MYT1L: variants seen among roughly 807,000 people sequenced by gnomAD.
MYT1L encodes myelin transcription factor 1 like, also known as myelin transcription factor 1-like protein.
Under a neutral mutation model 126.7 loss-of-function variants are expected in MYT1L, and 12 were observed. The ratio of observed to expected loss-of-function variants is 0.09; its 90% CI spans 0.06 to 0.15. The LOEUF is 0.15. MYT1L is among the 10% of genes least tolerant of loss of function. The pLI, the probability that MYT1L is intolerant of heterozygous loss-of-function variation, is 1.00. For synonymous variants in MYT1L, 541 were observed against 604.2 expected, an observed-to-expected ratio of 0.90 and a Z score of 1.53; for missense variants, 979 against 1,585.2, an observed-to-expected ratio of 0.62 and a Z score of 6.49.
intron 1 of MYT1L, among the ~76,000 whole-genome samples, chr2:2,306,729 G>C (rs1355392799): frequency 6.6e-6 from 1 of 152,132 alleles, no homozygotes; most frequent in East Asian, 1.9e-4. Context: ...GCACTAAAGA[G>C]AGTTCCACAT....
At chr2:2,126,368 A>G (rs377412312) in intron 3 of MYT1L, among the ~76,000 whole-genome samples, 2 of 152,230 alleles carry the variant, frequency 1.3e-5, no homozygotes, top group Non-Finnish European at 2.9e-5. Context: ...GAATGCTTCT[A>G]TAATTTAAAA....
At chr2:2,154,428 C>A (rs889170802) in intron 3 of MYT1L, among the ~76,000 whole-genome samples, 61 of 152,164 alleles carry the variant, frequency 4.0e-4, no homozygotes, top group African/African-American at 1.4e-3. Flanking sequence ...TGGAATCAAC[C>A]TAAATGCCTA....
chr2:2,310,702 CTT>C (rs1010359404), intron 1 of MYT1L, among the ~76,000 whole-genome samples: 2 of 152,152 alleles, frequency 1.3e-5, no homozygotes, highest in African/African-American at 4.8e-5. Context: ...TAACACCTAA[CTT>C]ATATTTACCA....
At chr2:2,229,784 C>A (rs181842522) in intron 2 of MYT1L, among the ~76,000 whole-genome samples, 1 of 152,052 alleles carries the variant, frequency 6.6e-6, no homozygotes, top group African/African-American at 2.4e-5. Flanking sequence ...CATAGCTGCT[C>A]CCATGGTGTG....
At chr2:1,847,178 A>T (rs1376539990) in intron 19 of MYT1L, among the ~76,000 whole-genome samples, 2 of 152,224 alleles carry the variant, frequency 1.3e-5, no homozygotes, top group Non-Finnish European at 2.9e-5. Flanking sequence ...GCAGCTGAGC[A>T]TCTCTGTGCC....
At chr2:2,122,872 T>TGTGTGAGAGAGA (rs553951630) in intron 3 of MYT1L, among the ~76,000 whole-genome samples, 9 of 133,078 alleles carry the variant, frequency 6.8e-5, no homozygotes, top group African/African-American at 1.5e-4. Context: ...TGTGTGTGTG[T>TGTGTGAGAGAGA]GAGAGAGAGA....
At chr2:1,919,149 A>G in intron 10 of MYT1L, among the ~76,000 whole-genome samples, 1 of 152,326 alleles carries the variant, frequency 6.6e-6, no homozygotes, top group East Asian at 1.9e-4. Context: ...CTTCACAGAT[A>G]TCGAAAGTGT....
chr2:1,996,902 G>C (rs886680356), intron 5 of MYT1L, among the ~76,000 whole-genome samples: 1 of 141,616 alleles, frequency 7.1e-6, no homozygotes, highest in Non-Finnish European at 1.5e-5. Context: ...ATGGAACCGA[G>C]TGTAGACGGG....
intron 19 of MYT1L, among the ~76,000 whole-genome samples, chr2:1,847,592 G>A (rs1056697868): frequency 2.0e-5 from 3 of 152,140 alleles, no homozygotes; most frequent in African/African-American, 7.2e-5. Flanking sequence ...GGAGACTACA[G>A]GTGAAGAAGT....
intron 2 of MYT1L, among the ~76,000 whole-genome samples, chr2:2,192,574 A>T (rs1340851276): frequency 1.3e-5 from 2 of 152,078 alleles, no homozygotes; most frequent in African/African-American, 4.8e-5. Context: ...ATCGTCACAT[A>T]CTTAATTGTC....
At chr2:1,869,257 A>G (rs1451870272) in intron 18 of MYT1L, among the ~76,000 whole-genome samples, 1 of 152,224 alleles carries the variant, frequency 6.6e-6, no homozygotes, top group African/African-American at 2.4e-5. Context: ...GACAAAGCAC[A>G]CAGTCCTGGA....
chr2:2,302,852 G>A lies in MYT1L; in HGVS notation c.-520-18349C>T, dbSNP rs529503912. Among the ~76,000 whole-genome samples, 201 of 152,252 alleles carry A rather than the reference G, an allele frequency of 1.3e-3. 1 individual carries two copies. The highest frequency in any genetic ancestry group is 2.5e-3 in the Non-Finnish European group (170 of 68,012). ...GGCCAGTTGACTGTGGTAAGGAGTA[G>A]TATTTTTGTTATAATGAAGAAGCCA... On this transcript the variant is annotated intron_variant, in intron 1 of 24. Transcript: ENST00000647738.
At chr2:1,989,416 G>A (rs2061307241) in intron 5 of MYT1L, among the ~76,000 whole-genome samples, 1 of 152,164 alleles carries the variant, frequency 6.6e-6, no homozygotes, top group African/African-American at 2.4e-5. Context: ...TCCCAGGACA[G>A]AAGCGAGAGT....
chr2:2,172,762 C>T (rs547502827), intron 3 of MYT1L, 110 bp downstream of exon 3: 2 of 150,946 alleles, frequency 1.3e-5, no homozygotes, highest in Admixed American at 6.6e-5. Context: ...TGTGCTCTGT[C>T]GCCAGGAGCC....
chr2:1,851,519 C>G (rs1189817240), intron 19 of MYT1L, 122 bp downstream of exon 19: 5 of 899,214 alleles, frequency 5.6e-6, no homozygotes, highest in Non-Finnish European at 9.1e-6. Flanking sequence ...CTAAGAGTCT[C>G]TAGATCCTTA....
intron 3 of MYT1L, among the ~76,000 whole-genome samples, chr2:2,091,748 C>T (rs2076936190): frequency 1.3e-5 from 2 of 152,222 alleles, no homozygotes; most frequent in South Asian, 4.1e-4. Context: ...TTACCTGGAT[C>T]TTCTGGAGAA....
rs767046978 is a variant in MYT1L at position 1,839,130 on chromosome 2, C to T, written c.3080+19G>A. On this transcript the variant is annotated intron_variant, in intron 21 of 24. Coordinates refer to ENST00000647738, the MANE Select transcript of MYT1L (RefSeq NM_001303052.2). ...GGCGGCACCATCCCAGCCAGGGTCC[C>T]GCAGACGCGGCCACTCACCTGCGGT... 35 of 1,591,220 alleles carry T rather than the reference C, an allele frequency of 2.2e-5. No homozygotes were observed. Among genetic ancestry groups the T allele is most frequent in the Middle Eastern group, 1.8e-4 (1 of 5,536 alleles).
intron 1 of MYT1L, among the ~76,000 whole-genome samples, chr2:2,288,336 C>G (rs2095552499): frequency 6.6e-6 from 1 of 152,144 alleles, no homozygotes; most frequent in South Asian, 2.1e-4. Flanking sequence ...ACACTCAAAC[C>G]TCAATGCAAT....
chr2:1,872,478 T>C (rs145141253), intron 18 of MYT1L, among the ~76,000 whole-genome samples: 2 of 152,324 alleles, frequency 1.3e-5, no homozygotes, highest in African/African-American at 4.8e-5. Flanking sequence ...TGGTCAACAT[T>C]TTTATTTGAT....
Sources: allele counts gnomAD v4.1 joint callset (sites outside exome capture counted in the v4.1 genomes callset), GRCh38; gene constraint gnomAD v4.1.1; transcripts MANE v1.5; gene names NCBI Gene and HGNC (gene_info 2026-07-23, HGNC 2026-07-21).